EXOSC10: variants seen among roughly 807,000 people sequenced by gnomAD.
EXOSC10 encodes exosome component 10.
Under a neutral mutation model 126.6 loss-of-function variants are expected in EXOSC10, and 94 were observed. The observed-to-expected ratio is 0.74, with a 90% CI of 0.63 to 0.88. The LOEUF is 0.88. Ranked by LOEUF, EXOSC10 falls within the 40% of genes least tolerant of loss-of-function variation. EXOSC10 has a pLI of 0.00. For missense variants in EXOSC10, 1,041 were observed against 1,100.5 expected, an observed-to-expected ratio of 0.95 and a Z score of 0.77; for synonymous variants, 395 against 400.8, an observed-to-expected ratio of 0.99 and a Z score of 0.17.
At position 11,069,593 on chromosome 1, in the gene EXOSC10, G is replaced by C. The variant is rs149082475; in HGVS notation, c.2454C>G (p.Tyr818Ter). Residue 818 changes from tyrosine to a stop codon, truncating the protein, a stop_gained, in exon 22 of 25, where the codon TAC (tyrosine) becomes TAG (stop). Transcript: ENST00000376936. LOFTEE classifies it high-confidence loss of function. ...CCTTGAAGTCTGACTGGCTGTAGTC[G>C]TAAGGCGTAAACTCTTTTTCTGGTG... ...PEPPEKEFTP[Y>*]DYSQSDFKAF... is the part of the protein sequence containing the mutation. 2 of 1,613,888 alleles carry C rather than the reference G, an allele frequency of 1.2e-6. No homozygotes were observed. The highest frequency in any genetic ancestry group is 1.1e-5 in the South Asian group (1 of 91,052).
intron 10 of EXOSC10, chr1:11,082,453 T>C: frequency 2.8e-6 from 3 of 1,067,932 alleles, no homozygotes; most frequent in Non-Finnish European, 3.8e-6. Context: ...GCACCTCTTT[T>C]TCAACCACTA....
At chr1:11,096,184 A>G (rs112820523) in intron 2 of EXOSC10, among the ~76,000 whole-genome samples, 3,746 of 151,644 alleles carry the variant, frequency 0.025, 76 homozygotes, top group Non-Finnish European at 0.038. Flanking sequence ...AGGTTTTGCC[A>G]TGTTGGCCAG....
At chr1:11,080,009 A>G (rs1340485947) in intron 13 of EXOSC10, among the ~76,000 whole-genome samples, 187 bp from the exon 14 acceptor site, 1 of 152,202 alleles carries the variant, frequency 6.6e-6, no homozygotes, top group African/African-American at 2.4e-5. Flanking sequence ...TGCGACACCA[A>G]GCTTTAAGTG....
chr1:11,066,641 G>C lies in EXOSC10; in HGVS notation c.*77C>G, dbSNP rs1438608076. 2.7e-6 allele frequency: 4 copies of C among 1,505,470 alleles called. 1 individual carries two copies. The Admixed American group carries it at 6.7e-5, about 25-fold the overall frequency. The allele number at this position is 1,505,470 out of a possible 1,614,324, so 93.3% of individuals were successfully genotyped here. A position where few individuals can be genotyped will look rare whatever the true frequency, so the allele number is the denominator to read the frequency against. ...GCTTTCTTCAGGAAGAATTTTAATGGTTTAAAAATATGTATGTACAAAAGC... is the reference window on the plus strand; with the variant it reads ...GCTTTCTTCAGGAAGAATTTTAATGCTTTAAAAATATGTATGTACAAAAGC... On this transcript the variant is annotated 3_prime_UTR_variant, in exon 25 of 25. Coordinates refer to ENST00000376936, the MANE Select transcript of EXOSC10 (RefSeq NM_001001998.3).
At chr1:11,072,448 C>T in intron 19 of EXOSC10, 1 of 345,222 alleles carries the variant, frequency 2.9e-6, no homozygotes, top group East Asian at 6.8e-5. Context: ...CTGTCATCAC[C>T]CTCTCTTTAG....
At chr1:11,074,096 T>G in intron 18 of EXOSC10, 88 bp from the exon 19 acceptor site, 1 of 1,433,526 alleles carries the variant, frequency 7.0e-7, no homozygotes, top group Non-Finnish European at 9.8e-7. Flanking sequence ...GGGTTGCTGG[T>G]GCCTTGTCAG....
At chr1:11,089,977 T>C (rs1014848072) in intron 6 of EXOSC10, among the ~76,000 whole-genome samples, 4 of 148,158 alleles carry the variant, frequency 2.7e-5, no homozygotes, top group Non-Finnish European at 4.4e-5. Context: ...AGCCTGCATC[T>C]CTAATTTTGC....
intron 3 of EXOSC10, among the ~76,000 whole-genome samples, chr1:11,093,836 T>TG (rs946415099): frequency 3.1e-4 from 47 of 150,906 alleles, no homozygotes; most frequent in African/African-American, 1.0e-3. Flanking sequence ...GAGGCTGAGG[T>TG]GGGGGGGGAT....
At position 11,087,926 on chromosome 1, in the gene EXOSC10, A is replaced by G; in HGVS notation, c.835-16T>C. 6.7e-7 allele frequency: 1 copy of G among 1,482,258 alleles called. No individual in the cohort carries two copies. 91.8% of individuals were successfully genotyped at this position (1,482,258 alleles called of 1,614,324 possible). On this transcript the variant is annotated splice_polypyrimidine_tract_variant and intron_variant, in intron 7 of 24. Transcript: ENST00000376936. ...GTCTGTATAACTGGATCAAGAGAAT[A>G]GTAAGAAAAAGGGAGGAATATAGAA...
chr1:11,077,480 C>T (rs201347694), intron 15 of EXOSC10, 37 bp from the exon 16 acceptor site: 19 of 1,606,732 alleles, frequency 1.2e-5, no homozygotes, highest in African/African-American at 4.0e-5. Flanking sequence ...GCATGTAAAA[C>T]GTGCAAGCCG....
chr1:11,098,487 G>T (rs938972927), intron 1 of EXOSC10, among the ~76,000 whole-genome samples: 4 of 152,184 alleles, frequency 2.6e-5, no homozygotes, highest in African/African-American at 9.7e-5. Context: ...GGACTTTAGT[G>T]TTCTCCTCTG....
chr1:11,090,448 A>G (rs893224761), intron 6 of EXOSC10, 106 bp downstream of exon 6: 2 of 906,456 alleles, frequency 2.2e-6, no homozygotes, highest in East Asian at 5.3e-5. Flanking sequence ...GTAAGGAGGA[A>G]ATCACTACTC....
intron 14 of EXOSC10, among the ~76,000 whole-genome samples, chr1:11,078,303 A>G (rs1196601779): frequency 2.0e-5 from 3 of 147,504 alleles, no homozygotes; most frequent in Non-Finnish European, 4.4e-5. Context: ...TGTCGCCCAG[A>G]CTGGAGTGCA....
intron 13 of EXOSC10, 71 bp downstream of exon 13, chr1:11,080,428 A>T: frequency 6.3e-7 from 1 of 1,589,988 alleles, no homozygotes; most frequent in Non-Finnish European, 8.6e-7. Flanking sequence ...TAGCAACCAG[A>T]AAAGCTTGAT....
chr1:11,068,325 C>G (rs1418229243), intron 23 of EXOSC10: 1 of 586,920 alleles, frequency 1.7e-6, no homozygotes, highest in Non-Finnish European at 3.0e-6. Context: ...ACGCTGTTTC[C>G]CTGGCACCAG....
At chr1:11,068,134 A>G in intron 23 of EXOSC10, 50 bp from the exon 24 acceptor site, 3 of 1,503,466 alleles carry the variant, frequency 2.0e-6, no homozygotes, top group Non-Finnish European at 2.8e-6. Context: ...TGACCACAAG[A>G]TACACAGAAA....
At chr1:11,078,873 A>G (rs1639975826) in intron 14 of EXOSC10, among the ~76,000 whole-genome samples, 1 of 152,186 alleles carries the variant, frequency 6.6e-6, no homozygotes, top group South Asian at 2.1e-4. Context: ...TAAGGTCATA[A>G]ATAAAGAGTC....
intron 19 of EXOSC10, 101 bp from the exon 20 acceptor site, chr1:11,072,272 G>A: frequency 1.3e-6 from 1 of 760,722 alleles, no homozygotes; most frequent in South Asian, 1.6e-5. Context: ...AACCTAAGAA[G>A]TACACACATT....
At position 11,082,733 on chromosome 1, in the gene EXOSC10, T is replaced by C. The variant is rs757872168; in HGVS notation, c.1235A>G (p.Asn412Ser). 15 of 1,614,116 alleles carry C rather than the reference T, an allele frequency of 9.3e-6. No individual in the cohort carries two copies. Among genetic ancestry groups the C allele is most frequent in the South Asian group, 2.2e-5 (2 of 91,092 alleles). ...CTGATATTGCTTGTTTGAGTCCACG[T>C]TGCAGTAGAGTTTCAGGAGATGATC... ...SLDHLLKLYC[N>S]VDSNKQYQLA... Residue 412 changes from asparagine to serine, a missense_variant, in exon 10 of 25, where the codon AAC becomes AGC. Asn to Ser is a conservative substitution (Grantham distance 46). Coordinates refer to ENST00000376936, the MANE Select transcript of EXOSC10 (RefSeq NM_001001998.3).
Sources: gnomAD v4.1 joint callset for allele counts (sites outside exome capture counted in the v4.1 genomes callset) on GRCh38, gnomAD v4.1.1 for gene constraint, MANE v1.5 for transcripts, NCBI Gene and HGNC (gene_info 2026-07-23, HGNC 2026-07-21) for gene names.